GOLGB1: variants seen among roughly 807,000 people sequenced by gnomAD.
The protein encoded by GOLGB1 is golgin B1.
In GOLGB1, 174 loss-of-function variants were observed where a neutral mutation model predicts 336.9. The ratio of observed to expected loss-of-function variants is 0.52; its 90% CI spans 0.46 to 0.59. The LOEUF (loss-of-function observed/expected upper bound fraction) is 0.59. GOLGB1 is among the 20% of genes least tolerant of loss of function. GOLGB1 has a pLI of 0.00. For missense variants in GOLGB1, 3,331 were observed against 3,645.3 expected (o/e 0.91, Z 2.22); for synonymous variants, 1,208 against 1,289.2 (o/e 0.94, Z 1.35).
At position 121,665,074 on chromosome 3, in the gene GOLGB1, T is replaced by C. The variant is rs752054127; in HGVS notation, c.9555-43A>G. 1.5e-4 allele frequency: 162 copies of C among 1,078,120 alleles called. 1 individual carries two copies. Among genetic ancestry groups the C allele is most frequent in the Non-Finnish European group, 2.2e-4 (153 of 692,988 alleles). 66.8% of individuals were successfully genotyped at this position (1,078,120 alleles called of 1,614,324 possible). A position where few individuals can be genotyped will look rare whatever the true frequency, so the allele number is the denominator to read the frequency against. ...AGAGGCATAGCATTGGTTCATAGCA[T>C]GAGAGGCTGATCAGGCCCAGTCTTC... On this transcript the variant is annotated intron_variant, in intron 20 of 21. Transcript: ENST00000614479.
intron 20 of GOLGB1, 92 bp downstream of exon 20, chr3:121,667,384 A>G: frequency 7.4e-7 from 1 of 1,348,554 alleles, no homozygotes; most frequent in African/African-American, 1.5e-5. Context: ...TGAGAAAAAG[A>G]TCTTAAGAAA....
At chr3:121,718,144 G>A (rs1196960090) in intron 8 of GOLGB1, among the ~76,000 whole-genome samples, 1 of 152,016 alleles carries the variant, frequency 6.6e-6, no homozygotes, top group Non-Finnish European at 1.5e-5. Flanking sequence ...GATCTAAAAT[G>A]GCAAAGGGAA....
intron 17 of GOLGB1, among the ~76,000 whole-genome samples, chr3:121,673,328 CAA>C (rs893287865): frequency 1.3e-5 from 2 of 150,492 alleles, no homozygotes; most frequent in African/African-American, 4.9e-5. Flanking sequence ...CTTGGCTTCC[CAA>C]AGTGCTGGGA....
intron 2 of GOLGB1, chr3:121,730,224 C>A: frequency 2.3e-6 from 1 of 438,582 alleles, no homozygotes; most frequent in South Asian, 4.5e-5. Flanking sequence ...AAACATTATC[C>A]CATTTAAGGT....
chr3:121,722,822 A>G (rs1292299577), intron 5 of GOLGB1, among the ~76,000 whole-genome samples: 1 of 152,218 alleles, frequency 6.6e-6, no homozygotes, highest in Non-Finnish European at 1.5e-5. Context: ...TAAACAGCCA[A>G]TGTATTTATT....
In GOLGB1 at chr3:121,702,507, T is replaced by G. The variant is rs1943491671; in HGVS notation, c.1493A>C (p.Glu498Ala). The change falls in exon 11 of 22, where the codon GAG becomes GCG. Residue 498 changes from glutamate (E) to alanine (A), a missense_variant. Transcript: ENST00000614479. ...EKGALLLSSIELEELKAENEK... is the reference protein window; with the variant it reads ...EKGALLLSSIALEELKAENEK... Reference sequence around the variant, plus strand: ...ATTCTCAGCTTTCAGCTCCTCCAGCTCTATAGAACTAAGGAGCAAGGCTCC... The same window carrying G: ...ATTCTCAGCTTTCAGCTCCTCCAGCGCTATAGAACTAAGGAGCAAGGCTCC... The G allele has an allele frequency of 1.3e-6, 2 of 1,512,060 alleles. No homozygotes were observed. The highest frequency in any genetic ancestry group is 5.1e-5 in the East Asian group (2 of 39,312). 93.7% of individuals were successfully genotyped at this position (1,512,060 alleles called of 1,614,324 possible).
chr3:121,669,511 C>T (rs1258490987), intron 17 of GOLGB1, among the ~76,000 whole-genome samples, 156 bp from the exon 18 acceptor site: 1 of 3,124 alleles, frequency 3.2e-4, no homozygotes, highest in Admixed American at 3.7e-3. Flanking sequence ...TTGGAAAAAG[C>T]ATAATTTTTT....
rs1412423952 is a variant in GOLGB1 at position 121,677,684 on chromosome 3, GA to G, written c.8874-235del. ...AGGGTCAATTATATAAGGAAATAAG[GA>G]AAATAAATATCCTTTTAGATTGCCA... On this transcript the variant is annotated intron_variant, in intron 15 of 21. Coordinates refer to ENST00000614479, the MANE Select transcript of GOLGB1 (RefSeq NM_001366282.2). Among the ~76,000 whole-genome samples, 5 of 152,148 alleles carry G rather than the reference GA, an allele frequency of 3.3e-5. No individual in the cohort carries two copies. In the East Asian group the frequency reaches 9.6e-4, roughly 29 times the overall value.
intron 17 of GOLGB1, among the ~76,000 whole-genome samples, chr3:121,669,611 A>C (rs904176403): frequency 2.6e-5 from 4 of 152,168 alleles, no homozygotes; most frequent in Non-Finnish European, 5.9e-5. Context: ...TGCCCAGTAC[A>C]TTAACTGAAA....
In GOLGB1 at chr3:121,668,315, T is replaced by C. The variant is rs138791437; in HGVS notation, c.9322-157A>G. ...CTTCTGCTCTAGCAGATTACTCACC[T>C]ACATAAAACTCTTGTCTTGATTAGA... is the stretch of plus-strand genomic sequence containing the variant. On this transcript the variant is annotated intron_variant, in intron 18 of 21. Coordinates refer to ENST00000614479, the MANE Select transcript of GOLGB1 (RefSeq NM_001366282.2). The C allele has an allele frequency of 9.5e-5, 47 of 492,888 alleles. No individual in the cohort carries two copies. In the East Asian group the frequency reaches 1.1e-3, roughly 11 times the overall value. 30.5% of individuals were successfully genotyped at this position (492,888 alleles called of 1,614,324 possible). A position where few individuals can be genotyped will look rare whatever the true frequency, so the allele number is the denominator to read the frequency against.
intron 17 of GOLGB1, among the ~76,000 whole-genome samples, chr3:121,675,729 C>T (rs776165803): frequency 2.0e-4 from 31 of 152,148 alleles, no homozygotes; most frequent in Non-Finnish European, 4.1e-4. Context: ...GATTTGTTTA[C>T]TTTTCTGTAT....
chr3:121,675,367 T>G (rs1940220693), intron 17 of GOLGB1, among the ~76,000 whole-genome samples: 1 of 152,222 alleles, frequency 6.6e-6, no homozygotes, highest in Non-Finnish European at 1.5e-5. Context: ...TGTTTTTACC[T>G]CATTTCTTTT....
intron 17 of GOLGB1, among the ~76,000 whole-genome samples, chr3:121,676,340 G>A (rs1560178306): frequency 6.6e-6 from 1 of 152,196 alleles, no homozygotes; most frequent in Non-Finnish European, 1.5e-5. Context: ...GTCAACTGAT[G>A]AGTTCTTGTG....
chr3:121,704,392 C>G (rs548830575), intron 10 of GOLGB1, among the ~76,000 whole-genome samples: 2 of 152,158 alleles, frequency 1.3e-5, no homozygotes, highest in South Asian at 4.1e-4. Context: ...AAAAATGATA[C>G]TTTACATACA....
At chr3:121,703,306 G>A (rs1238724211) in intron 10 of GOLGB1, among the ~76,000 whole-genome samples, 1 of 152,198 alleles carries the variant, frequency 6.6e-6, no homozygotes, top group Non-Finnish European at 1.5e-5. Flanking sequence ...AATAGCATGG[G>A]ATGAATTTAG....
At position 121,691,505 on chromosome 3, in the gene GOLGB1, G is replaced by A. The variant is rs371984492; in HGVS notation, c.7859C>T (p.Thr2620Ile). Residue 2620 changes from threonine (T) to isoleucine (I), a missense_variant, in exon 14 of 22, where the codon ACA becomes ATA. By Grantham distance (89) the Thr-to-Ile change is moderately conservative (BLOSUM62 -1). Coordinates refer to ENST00000614479, the MANE Select transcript of GOLGB1 (RefSeq NM_001366282.2). ...TTCTTGCAAGGCTGTTACTTGTCTT[G>A]TTAGCTGGGATATAGATACTTTCAA... Reference protein sequence around the residue: ...ESLKVSISQLTRQVTALQEEG... With the variant: ...ESLKVSISQLIRQVTALQEEG... The A allele has an allele frequency of 1.2e-4, 186 of 1,611,876 alleles. No individual in the cohort carries two copies. The highest frequency in any genetic ancestry group is 1.5e-4 in the Non-Finnish European group (177 of 1,179,288).
chr3:121,715,084 A>C (rs1265408551), intron 9 of GOLGB1, 108 bp from the exon 10 acceptor site: 3 of 620,256 alleles, frequency 4.8e-6, no homozygotes, highest in Non-Finnish European at 8.5e-6. Flanking sequence ...TAGTTTCCTT[A>C]GTTAAAATTA....
In GOLGB1 at chr3:121,698,249, C is replaced by G. The variant is rs1943116302; in HGVS notation, c.2274G>C (p.Val758=). The G allele has an allele frequency of 6.2e-7, 1 of 1,613,874 alleles. No homozygotes were observed. The highest frequency in any genetic ancestry group is 1.7e-5 in the Admixed American group (1 of 59,998). Residue 758 remains valine, a synonymous_variant, in exon 13 of 22, where the codon GTG becomes GTC. Transcript: ENST00000614479. ...ATTCTGTTACCATGCTAAGTTCCTTCACCTGAGAGAGAAGCTGGTCTCTTT... is the reference window on the plus strand; with the variant it reads ...ATTCTGTTACCATGCTAAGTTCCTTGACCTGAGAGAGAAGCTGGTCTCTTT... ...SEERDQLLSQ[V]KELSMVTELR... is the part of the protein sequence containing the mutation.
upstream of GOLGB1, chr3:121,749,802 A>C (rs1947634289): frequency 6.6e-6 from 1 of 152,380 alleles, no homozygotes; most frequent in South Asian, 2.1e-4. Flanking sequence ...GACTATCGGC[A>C]GGACGTTACC....
Sources: gnomAD v4.1 joint callset for allele counts (sites outside exome capture counted in the v4.1 genomes callset) on GRCh38, gnomAD v4.1.1 for gene constraint, MANE v1.5 for transcripts, NCBI Gene and HGNC (gene_info 2026-07-23, HGNC 2026-07-21) for gene names.